The following FNBP1 variants were observed in gnomAD, a reference collection of about 807,000 sequenced individuals.
The protein encoded by FNBP1 is formin binding protein 1.
FNBP1 carries 26 observed loss-of-function variants against 90.6 expected under a neutral mutation model. That is an observed-to-expected ratio of 0.29 (90% CI 0.21 to 0.40). The LOEUF is 0.40. FNBP1 is among the 10% of genes least tolerant of loss of function. The pLI, the probability that FNBP1 is intolerant of heterozygous loss-of-function variation, is 1.00. For synonymous variants in FNBP1, 260 were observed against 265.2 expected (o/e 0.98, Z 0.19); for missense variants, 635 against 768.0 (o/e 0.83, Z 2.05).
chr9:129,962,249 C>T (rs1309953804), intron 4 of FNBP1, among the ~76,000 whole-genome samples: 3 of 152,238 alleles, frequency 2.0e-5, no homozygotes, highest in African/African-American at 7.2e-5. Context: ...AACATCAGCT[C>T]CCCACTGTGA....
intron 2 of FNBP1, among the ~76,000 whole-genome samples, chr9:129,982,397 G>T (rs923323173): frequency 2.6e-5 from 4 of 152,118 alleles, no homozygotes; most frequent in Non-Finnish European, 4.4e-5. Context: ...CTTGAACCTG[G>T]GAGGCAGAGG....
intron 13 of FNBP1, 74 bp downstream of exon 13, chr9:129,902,795 C>A (rs2037202720): frequency 2.0e-6 from 3 of 1,495,640 alleles, no homozygotes; most frequent in South Asian, 1.2e-5. Flanking sequence ...ATCGTCAGGG[C>A]CCCACACCAT....
chr9:129,919,309 C>A, intron 10 of FNBP1: 1 of 740,924 alleles, frequency 1.3e-6, no homozygotes, highest in South Asian at 1.5e-5. Flanking sequence ...TAACATATGA[C>A]AAACAACTGG....
chr9:129,969,586 C>T (rs978734409), intron 4 of FNBP1, among the ~76,000 whole-genome samples: 3 of 151,972 alleles, frequency 2.0e-5, no homozygotes, highest in Non-Finnish European at 4.4e-5. Context: ...ATATCTCTTC[C>T]AATAACTTTG....
rs370335253 is a variant in FNBP1, at chr9:129,917,052, G to A, written c.1171-1072C>T. Among the ~76,000 whole-genome samples, 400 of 151,518 alleles carry A rather than the reference G, an allele frequency of 2.6e-3. 1 individual carries two copies. The highest frequency in any genetic ancestry group is 9.3e-3 in the African/African-American group (383 of 41,224). ...TTTTGAGACAGGGTCTCACACTATC[G>A]CCCAGGCAGGAGTGCAGTGGCGTAA... is the stretch of plus-strand genomic sequence containing the variant. On this transcript the variant is annotated intron_variant, in intron 10 of 16. Coordinates refer to ENST00000446176, the MANE Select transcript of FNBP1 (RefSeq NM_015033.3).
chr9:129,958,865 C>T (rs1427420019), intron 4 of FNBP1, among the ~76,000 whole-genome samples: 1 of 150,402 alleles, frequency 6.6e-6, no homozygotes, highest in Non-Finnish European at 1.5e-5. Flanking sequence ...ACTGATAGTC[C>T]CAGCTACTCT....
At position 129,899,829 on chromosome 9, in the gene FNBP1, A is replaced by C; in HGVS notation, c.1687+136T>G. On this transcript the variant is annotated intron_variant, in intron 15 of 16. Transcript: ENST00000446176. ...GGAAGGGGAAGGGGAAGGGGAAGGG[A>C]AGGTAGGAAGGAAGGAAGGAAGGAC... The C allele has an allele frequency of 4.5e-6, 3 of 663,496 alleles. No individual in the cohort carries two copies. In the South Asian group the frequency reaches 9.3e-5, roughly 21 times the overall value. The allele number at this position is 663,496 out of a possible 1,614,324, so 41.1% of individuals were successfully genotyped here. A position where few individuals can be genotyped will look rare whatever the true frequency, so the allele number is the denominator to read the frequency against.
chr9:130,008,006 A>AG (rs1402649247), intron 1 of FNBP1, among the ~76,000 whole-genome samples: 2 of 149,718 alleles, frequency 1.3e-5, no homozygotes, highest in African/African-American at 4.9e-5. Context: ...TCAAAAAAAA[A>AG]AAAAAAAATT....
At chr9:130,029,065 C>T (rs1193006997) in intron 1 of FNBP1, among the ~76,000 whole-genome samples, 5 of 152,164 alleles carry the variant, frequency 3.3e-5, no homozygotes, top group Non-Finnish European at 7.3e-5. Flanking sequence ...TACATATAAG[C>T]AAAACATTTT....
chr9:129,991,984 G>A (rs1370102450), intron 2 of FNBP1, among the ~76,000 whole-genome samples: 1 of 152,190 alleles, frequency 6.6e-6, no homozygotes, highest in African/African-American at 2.4e-5. Flanking sequence ...TCTAAGTGGA[G>A]ACTTTGAGCA....
At position 129,889,448 on chromosome 9, in the gene FNBP1, T is replaced by C. The variant is rs2034932273; in HGVS notation, c.*1091A>G. 5.5e-6 allele frequency: 1 copy of C among 182,566 alleles called. No individual in the cohort carries two copies. The highest frequency in any genetic ancestry group is 2.0e-4 in the South Asian group (1 of 5,094). The allele number at this position is 182,566 out of a possible 1,614,324, so 11.3% of individuals were successfully genotyped here. ...AGCCGGGCGTGGTGGTGCACGCCTG[T>C]AATCACAGCTATTTGGGAGGCTGAG... On this transcript the variant is annotated 3_prime_UTR_variant, in exon 17 of 17. Transcript: ENST00000446176.
intron 11 of FNBP1, 126 bp from the exon 12 acceptor site, chr9:129,909,125 C>T: frequency 2.8e-6 from 2 of 726,706 alleles, no homozygotes; most frequent in Non-Finnish European, 5.0e-6. Context: ...ATAGATTAAG[C>T]TCTTTCCCAC....
chr9:130,014,170 G>A (rs2056963427), intron 1 of FNBP1: 6 of 406,374 alleles, frequency 1.5e-5, no homozygotes, highest in Non-Finnish European at 2.5e-5. Context: ...GGGTGGCAGA[G>A]GCTTAGAAAG....
chr9:129,962,887 G>A (rs1186355494), intron 4 of FNBP1, among the ~76,000 whole-genome samples: 3 of 152,184 alleles, frequency 2.0e-5, no homozygotes, highest in Non-Finnish European at 4.4e-5. Context: ...CACGCTTTCA[G>A]GGAGGACCCC....
At chr9:129,907,079 A>G (rs2038223287) in intron 12 of FNBP1, among the ~76,000 whole-genome samples, 1 of 109,788 alleles carries the variant, frequency 9.1e-6, no homozygotes, top group Non-Finnish European at 1.9e-5. Context: ...CGCCTGGCCC[A>G]AGCACGTTTT....
chr9:129,970,061 T>G (rs1221636230), intron 4 of FNBP1, among the ~76,000 whole-genome samples: 1 of 147,540 alleles, frequency 6.8e-6, no homozygotes, highest in East Asian at 2.0e-4. Context: ...GCTAAGTTTT[T>G]GGGTTTGTTT....
At chr9:129,989,259 G>A (rs2052751795) in intron 2 of FNBP1, among the ~76,000 whole-genome samples, 2 of 152,154 alleles carry the variant, frequency 1.3e-5, no homozygotes, top group South Asian at 2.1e-4. Context: ...ATGCAGTTCT[G>A]TTTTCTGCTG....
chr9:129,924,156 G>T, intron 9 of FNBP1, 130 bp from the exon 10 acceptor site: 2 of 938,848 alleles, frequency 2.1e-6, no homozygotes, highest in Non-Finnish European at 3.1e-6. Context: ...TTAGGCCATG[G>T]TCCAAAAGAA....
At chr9:129,897,632 A>G (rs926704146) in intron 15 of FNBP1, among the ~76,000 whole-genome samples, 10 of 152,092 alleles carry the variant, frequency 6.6e-5, no homozygotes, top group African/African-American at 2.4e-4. Flanking sequence ...GTTTCACACT[A>G]TCGCCTAGGC....
Sources: gnomAD v4.1 joint callset for allele counts (sites outside exome capture counted in the v4.1 genomes callset) on GRCh38, gnomAD v4.1.1 for gene constraint, MANE v1.5 for transcripts, NCBI Gene and HGNC (gene_info 2026-07-23, HGNC 2026-07-21) for gene names.